POLDIP3: variants seen among roughly 807,000 people sequenced by gnomAD.
The protein encoded by POLDIP3 is DNA polymerase delta interacting protein 3, also known as polymerase delta-interacting protein 3.
A neutral mutation model predicts 45.1 loss-of-function variants in POLDIP3; 14 were observed. That is an observed-to-expected ratio of 0.31 (90% CI 0.20 to 0.49). The LOEUF is 0.49. POLDIP3 is among the 20% of genes least tolerant of loss of function. The pLI, the probability that POLDIP3 is intolerant of heterozygous loss-of-function variation, is 0.99. For synonymous variants in POLDIP3, 223 were observed against 205.2 expected (o/e 1.09, Z -0.74); for missense variants, 511 against 538.8 (o/e 0.95, Z 0.51).
intron 1 of POLDIP3, among the ~76,000 whole-genome samples, chr22:42,605,549 T>C (rs1268375432): frequency 6.6e-6 from 1 of 152,170 alleles, no homozygotes; most frequent in Non-Finnish European, 1.5e-5. Flanking sequence ...GATTTAAAGA[T>C]TTTCCAGTGG....
intron 1 of POLDIP3, among the ~76,000 whole-genome samples, chr22:42,606,372 T>C (rs903671696): frequency 2.0e-5 from 3 of 151,692 alleles, no homozygotes; most frequent in African/African-American, 7.3e-5. Context: ...GCTCACACCA[T>C]GTAATCTCAG....
chr22:42,594,178 T>C (rs572707972), intron 6 of POLDIP3, among the ~76,000 whole-genome samples: 2 of 152,176 alleles, frequency 1.3e-5, no homozygotes, highest in East Asian at 1.9e-4. Flanking sequence ...TAAGAATCAC[T>C]TGAACCCAGG....
At position 42,584,766 on chromosome 22, in the gene POLDIP3, G is replaced by A. The variant is rs1051261202; in HGVS notation, c.*1025C>T. ...GATGGATGGGGTCACTCACATAAGT[G>A]GGAACAAACAGTGCCCCTTGGTGGC... On this transcript the variant is annotated 3_prime_UTR_variant, in exon 9 of 9. Coordinates refer to ENST00000252115, the MANE Select transcript of POLDIP3 (RefSeq NM_032311.5). 20 of 382,552 alleles carry A rather than the reference G, an allele frequency of 5.2e-5. No individual in the cohort carries two copies. The highest frequency in any genetic ancestry group is 9.2e-5 in the Non-Finnish European group (18 of 195,378). 23.7% of individuals were successfully genotyped at this position (382,552 alleles called of 1,614,324 possible). A position where few individuals can be genotyped will look rare whatever the true frequency, so the allele number is the denominator to read the frequency against.
intron 1 of POLDIP3, among the ~76,000 whole-genome samples, chr22:42,613,010 C>G (rs928177433): frequency 2.0e-5 from 3 of 152,114 alleles, no homozygotes; most frequent in Admixed American, 2.0e-4. Context: ...ATAACCACCC[C>G]CCATTCCTGC....
In POLDIP3 at chr22:42,614,871, G is replaced by A. The variant is rs367783259; in HGVS notation, c.-14C>T. On this transcript the variant is annotated 5_prime_UTR_variant, in exon 1 of 9. Coordinates refer to ENST00000252115, the MANE Select transcript of POLDIP3 (RefSeq NM_032311.5). ...GATGTCCGCCATCTTGCTCCGCCGA[G>A]CAAGCCGAAAGCAGTCGAGACCCCG... 2.5e-6 allele frequency: 4 copies of A among 1,613,330 alleles called. No homozygotes were observed. Among genetic ancestry groups the A allele is most frequent in the East Asian group, 2.2e-5 (1 of 44,878 alleles).
At position 42,585,679 on chromosome 22, in the gene POLDIP3, C is replaced by G. The variant is rs1896539810; in HGVS notation, c.*112G>C. On this transcript the variant is annotated 3_prime_UTR_variant, in exon 9 of 9. Transcript: ENST00000252115. ...GAGGAAGCTCTTTATCCCTGGCAAC[C>G]CTTCCCACAATCAGGGGTCTCCAGT... 7.6e-7 allele frequency: 1 copy of G among 1,315,080 alleles called. No homozygotes were observed. The highest frequency in any genetic ancestry group is 2.3e-5 in the East Asian group (1 of 42,986). The allele number at this position is 1,315,080 out of a possible 1,614,324, so 81.5% of individuals were successfully genotyped here.
At chr22:42,602,203 G>C in intron 2 of POLDIP3, 147 bp from the exon 3 acceptor site, 1 of 1,229,064 alleles carries the variant, frequency 8.1e-7, no homozygotes, top group Admixed American at 2.5e-5. Context: ...TCCACAGTAG[G>C]AAGTAACAGA....
In POLDIP3 at chr22:42,603,025, G is replaced by T. The variant is rs761956034; in HGVS notation, c.195C>A (p.Ala65=). The change falls in exon 2 of 9, where the codon GCC becomes GCA. Residue 65 remains alanine, a synonymous_variant. Transcript: ENST00000252115. ...DARQKIGLSD[A]RLKLGVKDAR... is the part of the protein sequence containing the mutation. Reference sequence around the variant, plus strand: ...CATCCTTGACTCCCAGTTTGAGCCGGGCATCTGAGAGGCCAATCTTCTGCC... The same window carrying T: ...CATCCTTGACTCCCAGTTTGAGCCGTGCATCTGAGAGGCCAATCTTCTGCC... 2 of 1,614,080 alleles carry T rather than the reference G, an allele frequency of 1.2e-6. No individual in the cohort carries two copies. The highest frequency in any genetic ancestry group is 2.2e-5 in the South Asian group (2 of 91,082).
intron 1 of POLDIP3, among the ~76,000 whole-genome samples, chr22:42,608,161 T>C (rs571468489): frequency 1.8e-3 from 271 of 152,300 alleles, no homozygotes; most frequent in African/African-American, 5.4e-3. Flanking sequence ...TGTTACTGTG[T>C]CTGTGTAGAA....
At chr22:42,610,683 G>C (rs1312770558) in intron 1 of POLDIP3, among the ~76,000 whole-genome samples, 1 of 152,176 alleles carries the variant, frequency 6.6e-6, no homozygotes, top group Admixed American at 6.5e-5. Flanking sequence ...CAGGAGGACT[G>C]CTTGAGTCCA....
At chr22:42,605,259 C>CT (rs1210119690) in intron 1 of POLDIP3, among the ~76,000 whole-genome samples, 1 of 152,242 alleles carries the variant, frequency 6.6e-6, no homozygotes, top group Non-Finnish European at 1.5e-5. Flanking sequence ...TCCCAAGTAG[C>CT]TGGGACTACA....
At position 42,591,946 on chromosome 22, in the gene POLDIP3, C is replaced by A; in HGVS notation, c.1021+9G>T. 1 of 1,614,154 alleles carries A rather than the reference C, an allele frequency of 6.2e-7. No homozygotes were observed. The highest frequency in any genetic ancestry group is 1.3e-5 in the African/African-American group (1 of 75,046). On this transcript the variant is annotated intron_variant, in intron 7 of 8. Transcript: ENST00000252115. Reference sequence around the variant, plus strand: ...GGAGGGTCAGGGGACTGCTTTCTCCCTAACTTACCGTCCAGACACCGGTTG... The same window carrying A: ...GGAGGGTCAGGGGACTGCTTTCTCCATAACTTACCGTCCAGACACCGGTTG...
intron 1 of POLDIP3, among the ~76,000 whole-genome samples, chr22:42,612,133 A>G (rs2146840466): frequency 1.3e-5 from 2 of 152,350 alleles, no homozygotes; most frequent in Middle Eastern, 6.8e-3. Context: ...TGGCAAAGAA[A>G]TATTTTCAAG....
In POLDIP3 at chr22:42,588,670, C is replaced by A. The variant is rs1276236597; in HGVS notation, c.1022-1098G>T. Among the ~76,000 whole-genome samples the A allele has an allele frequency of 2.0e-5, 3 of 150,002 alleles. No homozygotes were observed. In the East Asian group the frequency reaches 6.0e-4, roughly 30 times the overall value. ...TGAGATGGAGTTTCGCTCTTATTGC[C>A]CAGGCTGGAGGGCAATGGTGCGATC... On this transcript the variant is annotated intron_variant, in intron 7 of 8. Transcript: ENST00000252115.
Position 42,612,943 on chromosome 22 carries a change from C to T in POLDIP3, c.59+1856G>A, listed in dbSNP as rs184402734. 3.3e-3 allele frequency among the ~76,000 whole-genome samples: 497 copies of T among 152,316 alleles called. 6 individuals carry two copies. Among genetic ancestry groups the T allele is most frequent in the Non-Finnish European group, 8.8e-4 (60 of 68,034 alleles). On this transcript the variant is annotated intron_variant, in intron 1 of 8. Coordinates refer to ENST00000252115, the MANE Select transcript of POLDIP3 (RefSeq NM_032311.5). ...CCCTGGCCAGGGAAACAGAACCCAA[C>T]AGTGGCAAGTGCCAGGTGTATCCAG... is the stretch of plus-strand genomic sequence containing the variant.
intron 1 of POLDIP3, among the ~76,000 whole-genome samples, chr22:42,613,483 G>A (rs1188914367): frequency 2.0e-5 from 3 of 152,316 alleles, no homozygotes; most frequent in African/African-American, 2.4e-5. Context: ...CGGAATGGCC[G>A]GGCCGGTGGC....
At chr22:42,594,361 A>T (rs573868413) in intron 6 of POLDIP3, among the ~76,000 whole-genome samples, 2 of 152,280 alleles carry the variant, frequency 1.3e-5, no homozygotes, top group East Asian at 3.9e-4. Flanking sequence ...AAATACAAAA[A>T]TTAGCCAGGC....
chr22:42,609,074 AAC>A (rs1366672014), intron 1 of POLDIP3, among the ~76,000 whole-genome samples: 1 of 152,106 alleles, frequency 6.6e-6, no homozygotes, highest in Non-Finnish European at 1.5e-5. Context: ...AGGTCTCTAA[AAC>A]ACAGACTCAA....
In POLDIP3 at chr22:42,603,174, T is replaced by C. The variant is rs931030558; in HGVS notation, c.60-14A>G. The C allele has an allele frequency of 5.6e-6, 9 of 1,610,934 alleles. No homozygotes were observed. Among genetic ancestry groups the C allele is most frequent in the Non-Finnish European group, 7.6e-6 (9 of 1,177,900 alleles). On this transcript the variant is annotated splice_polypyrimidine_tract_variant and intron_variant, in intron 1 of 8. Coordinates refer to ENST00000252115, the MANE Select transcript of POLDIP3 (RefSeq NM_032311.5). Reference sequence around the variant, plus strand: ...CTGGCATTAAGCCTGTAAATATAAATTGCAATCAATATTAAGTGGATCTGG... The same window carrying C: ...CTGGCATTAAGCCTGTAAATATAAACTGCAATCAATATTAAGTGGATCTGG...
Sources: allele counts gnomAD v4.1 joint callset (sites outside exome capture counted in the v4.1 genomes callset), GRCh38; gene constraint gnomAD v4.1.1; transcripts MANE v1.5; gene names NCBI Gene and HGNC (gene_info 2026-07-23, HGNC 2026-07-21).